UPRT: variants seen among roughly 807,000 people sequenced by gnomAD.
UPRT encodes uracil phosphoribosyltransferase homolog.
In UPRT, 5 loss-of-function variants were observed where a neutral mutation model predicts 22.6. That is an observed-to-expected ratio of 0.22 (90% CI 0.12 to 0.47). UPRT has a LOEUF of 0.47. UPRT is among the 20% of genes least tolerant of loss of function. The probability of loss-of-function intolerance (pLI) is 0.99; values close to 1 mark genes in which losing one functional copy is unlikely to be tolerated. For missense variants in UPRT, 181 were observed against 239.9 expected (o/e 0.75, Z 1.62); for synonymous variants, 77 against 87.7 (o/e 0.88, Z 0.68).
intron 1 of UPRT, among the ~76,000 whole-genome samples, chrX:75,278,235 ATGT>A (rs1261386744): frequency 1.7e-4 from 19 of 112,080 alleles, no homozygotes; most frequent in African/African-American, 5.5e-4. Flanking sequence ...GCAGGACTGC[ATGT>A]TGTTGTATAT....
chrX:75,199,919 T>C (rs2082343219), intron 4 of UPRT, among the ~76,000 whole-genome samples: 1 of 111,788 alleles, frequency 8.9e-6, no homozygotes, highest in Non-Finnish European at 1.9e-5. Context: ...TTCATCTGCA[T>C]TTCTCTAGTG....
intron 4 of UPRT, among the ~76,000 whole-genome samples, chrX:75,261,389 C>A (rs958699772): frequency 8.9e-6 from 1 of 112,082 alleles, no homozygotes; most frequent in Non-Finnish European, 1.9e-5. Flanking sequence ...ACCATAAACA[C>A]CTCTACCCAA....
In UPRT at chrX:75,161,544, A is replaced by C. The variant is rs183827147; in HGVS notation, c.-615+873A>C. ...GGTTTCTTTGCATATCATGCAAAAT[A>C]ATATCTTAATCCTCATATATAATAA... On this transcript the variant is annotated intron_variant, in intron 2 of 13. Coordinates refer to the UPRT transcript ENST00000652605. Among the ~76,000 whole-genome samples, 385 of 112,488 alleles carry C rather than the reference A, an allele frequency of 3.4e-3. 2 individuals carry two copies. The highest frequency in any genetic ancestry group is 0.012 in the African/African-American group (368 of 31,028).
chrX:75,294,918 C>G (rs1267273534), intron 2 of UPRT, among the ~76,000 whole-genome samples: 2 of 111,219 alleles, frequency 1.8e-5, no homozygotes, highest in Non-Finnish European at 3.8e-5. Flanking sequence ...AGATGCTTCC[C>G]TGAAAGGGCA....
chrX:75,237,257 T>A (rs1310595435), intron 4 of UPRT, among the ~76,000 whole-genome samples: 3 of 111,877 alleles, frequency 2.7e-5, no homozygotes, highest in African/African-American at 9.8e-5. Flanking sequence ...AGATACCATC[T>A]CACACCAGTT....
chrX:75,235,840 C>T (rs906736458), intron 4 of UPRT, among the ~76,000 whole-genome samples: 2 of 111,730 alleles, frequency 1.8e-5, no homozygotes, highest in African/African-American at 6.5e-5. Context: ...CAGCCAATAT[C>T]ATACTGAATG....
intron 4 of UPRT, among the ~76,000 whole-genome samples, chrX:75,232,594 T>C (rs1326981274): frequency 4.5e-5 from 5 of 112,171 alleles, no homozygotes; most frequent in Admixed American, 3.8e-4. Context: ...GATCTGAGAA[T>C]GGGCAGACTG....
At chrX:75,187,611 A>G (rs1449545053) in intron 4 of UPRT, among the ~76,000 whole-genome samples, 1 of 112,231 alleles carries the variant, frequency 8.9e-6, no homozygotes, top group Non-Finnish European at 1.9e-5. Flanking sequence ...AATATCCTTC[A>G]GAGTGTTTTC....
intron 1 of UPRT, among the ~76,000 whole-genome samples, chrX:75,292,094 G>A (rs963388234): frequency 5.8e-4 from 65 of 111,729 alleles, no homozygotes; most frequent in African/African-American, 1.9e-3. Flanking sequence ...ATATAACACC[G>A]CATATGTCTT....
At chrX:75,251,658 A>G (rs2082530332) in intron 4 of UPRT, among the ~76,000 whole-genome samples, 2 of 111,687 alleles carry the variant, frequency 1.8e-5, no homozygotes, top group African/African-American at 6.5e-5. Context: ...TATAGATTCA[A>G]TGCCATCCCC....
At chrX:75,191,284 A>C (rs759787465) in intron 4 of UPRT, among the ~76,000 whole-genome samples, 1 of 112,521 alleles carries the variant, frequency 8.9e-6, no homozygotes, top group East Asian at 2.8e-4. Flanking sequence ...TGAAGGCTGC[A>C]GAACGCGAAT....
chrX:75,278,324 T>C (rs2082639606), intron 1 of UPRT, among the ~76,000 whole-genome samples: 1 of 112,286 alleles, frequency 8.9e-6, no homozygotes, highest in Non-Finnish European at 1.9e-5. Context: ...ATGTGCAATA[T>C]TTGAAACATA....
At chrX:75,200,551 G>A (rs369432192) in intron 4 of UPRT, among the ~76,000 whole-genome samples, 17 of 112,330 alleles carry the variant, frequency 1.5e-4, no homozygotes, top group South Asian at 1.1e-3. Context: ...CCAAGATTGC[G>A]TCACCGCACC....
At chrX:75,284,961 G>A (rs1168955800) in intron 1 of UPRT, among the ~76,000 whole-genome samples, 1 of 111,025 alleles carries the variant, frequency 9.0e-6, no homozygotes. Context: ...CTGTCCTTGG[G>A]CCGGTCTTGC....
At chrX:75,166,765 A>G (rs1481903474) in intron 3 of UPRT, among the ~76,000 whole-genome samples, 2 of 112,368 alleles carry the variant, frequency 1.8e-5, no homozygotes, top group African/African-American at 6.5e-5. Context: ...ACAAAAGAAA[A>G]CTAAAGACAT....
intron 4 of UPRT, among the ~76,000 whole-genome samples, chrX:75,263,103 G>A (rs929396072): frequency 3.6e-5 from 4 of 111,931 alleles, no homozygotes; most frequent in African/African-American, 1.3e-4. Context: ...ATAACAAACA[G>A]CCTCTCAGAC....
rs765278242 is a variant in UPRT, at chrX:75,194,421, G to A, written c.-447+26542G>A. On this transcript the variant is annotated intron_variant, in intron 4 of 13. Transcript: ENST00000652605. ...GTGCTTTGTAGGGTGGCGGTACCTG[G>A]ATCTGTCCTCATTTGCACATGCCAA... Among the ~76,000 whole-genome samples, 456 of 111,390 alleles carry A rather than the reference G, an allele frequency of 4.1e-3. 1 individual carries two copies. The highest frequency in any genetic ancestry group is 7.2e-3 in the Non-Finnish European group (382 of 53,039).
chrX:75,261,308 A>C (rs188048993), intron 4 of UPRT, among the ~76,000 whole-genome samples: 2 of 111,809 alleles, frequency 1.8e-5, no homozygotes, highest in East Asian at 5.6e-4. Flanking sequence ...AAATCAATGA[A>C]TCCACAATAA....
chrX:75,218,963 C>T (rs2082402073), intron 4 of UPRT, among the ~76,000 whole-genome samples: 1 of 110,525 alleles, frequency 9.0e-6, no homozygotes, highest in African/African-American at 3.3e-5. Flanking sequence ...GGGTGCAGCA[C>T]ACCGGCATGA....
Sources: allele counts gnomAD v4.1 joint callset (sites outside exome capture counted in the v4.1 genomes callset), GRCh38; gene constraint gnomAD v4.1.1; transcripts MANE v1.5; gene names NCBI Gene and HGNC (gene_info 2026-07-23, HGNC 2026-07-21).